The following PPP1R9A variants were observed in gnomAD, a reference collection of about 807,000 sequenced individuals.
PPP1R9A encodes neurabin-1.
A neutral mutation model predicts 141.9 loss-of-function variants in PPP1R9A; 59 were observed. That is an observed-to-expected ratio of 0.42 (90% confidence interval 0.34 to 0.52). The LOEUF (loss-of-function observed/expected upper bound fraction) is 0.52. Among genes scored for constraint, PPP1R9A ranks in the 20% least tolerant of loss-of-function variants. The pLI, the probability that PPP1R9A is intolerant of heterozygous loss-of-function variation, is 0.10. For missense variants in PPP1R9A, 1,444 were observed against 1,611.9 expected, an observed-to-expected ratio of 0.90 and a Z score of 1.78; for synonymous variants, 500 against 569.7, an observed-to-expected ratio of 0.88 and a Z score of 1.74.
At chr7:95,241,487 T>C in intron 8 of PPP1R9A, among the ~76,000 whole-genome samples, 1 of 150,748 alleles carries the variant, frequency 6.6e-6, no homozygotes, top group African/African-American at 2.5e-5. Context: ...CTATGAACTG[T>C]TGTTTTTAGT....
intron 2 of PPP1R9A, among the ~76,000 whole-genome samples, chr7:95,111,002 ATTCACATAATGTG>A (rs1482415902): frequency 6.6e-6 from 1 of 152,212 alleles, no homozygotes; most frequent in African/African-American, 2.4e-5. Flanking sequence ...AAATATTGCT[ATTCACATAATGTG>A]TTCTGAGGCT....
chr7:95,273,936 T>C lies in PPP1R9A; in HGVS notation c.3162T>C (p.Ser1054=), dbSNP rs1170014829. ...ATCCCAAATCACTAAGGGCATCCAG[T>C]TCATTGGCGGTGCAAGGAGGAAAAA... ...AKDPKSLRAS[S]SLAVQGGKIK... is the part of the protein sequence containing the mutation. The change falls in exon 15 of 20, where the codon AGT becomes AGC. Residue 1054 remains serine, a synonymous_variant. Coordinates refer to ENST00000433360, the MANE Select transcript of PPP1R9A (RefSeq NM_001166160.2). The C allele has an allele frequency of 4.0e-6, 6 of 1,505,630 alleles. No individual in the cohort carries two copies. The highest frequency in any genetic ancestry group is 5.5e-6 in the Non-Finnish European group (6 of 1,095,590). 93.3% of individuals were successfully genotyped at this position (1,505,630 alleles called of 1,614,324 possible).
intron 5 of PPP1R9A, among the ~76,000 whole-genome samples, chr7:95,189,549 G>T (rs1835169515): frequency 7.0e-6 from 1 of 143,794 alleles, no homozygotes; most frequent in South Asian, 2.2e-4. Flanking sequence ...CCATTCTCCT[G>T]CCTCAGCCTC....
chr7:95,076,230 C>T (rs1294981852), intron 2 of PPP1R9A, among the ~76,000 whole-genome samples: 2 of 152,142 alleles, frequency 1.3e-5, no homozygotes, highest in Non-Finnish European at 2.9e-5. Flanking sequence ...CAGAATGTTG[C>T]AGGTCACAGA....
intron 8 of PPP1R9A, among the ~76,000 whole-genome samples, chr7:95,228,494 T>C (rs983269739): frequency 7.9e-5 from 12 of 152,182 alleles, no homozygotes; most frequent in African/African-American, 2.9e-4. Context: ...AACATTATTA[T>C]CTAAAGAATT....
intron 2 of PPP1R9A, among the ~76,000 whole-genome samples, chr7:95,051,557 T>C (rs1810801029): frequency 6.6e-6 from 1 of 152,218 alleles, no homozygotes; most frequent in African/African-American, 2.4e-5. Context: ...TGAATCCATA[T>C]ATTTAATTGG....
intron 19 of PPP1R9A, among the ~76,000 whole-genome samples, chr7:95,289,412 A>G (rs2116049845): frequency 6.6e-6 from 1 of 152,346 alleles, no homozygotes; most frequent in East Asian, 1.9e-4. Context: ...TGTGAATATG[A>G]AGGCCTCATT....
intron 2 of PPP1R9A, among the ~76,000 whole-genome samples, chr7:94,998,660 C>A (rs1014905113): frequency 6.6e-6 from 1 of 152,160 alleles, no homozygotes; most frequent in Admixed American, 6.5e-5. Context: ...TATATTAAAT[C>A]CAGTCCAACA....
intron 2 of PPP1R9A, among the ~76,000 whole-genome samples, chr7:95,009,314 A>G (rs955305898): frequency 1.3e-5 from 2 of 152,330 alleles, no homozygotes; most frequent in Non-Finnish European, 2.9e-5. Flanking sequence ...GAAAATATAT[A>G]TTAAAAAAAG....
intron 2 of PPP1R9A, among the ~76,000 whole-genome samples, chr7:94,993,856 G>T (rs1801820617): frequency 6.6e-6 from 1 of 151,996 alleles, no homozygotes; most frequent in African/African-American, 2.4e-5. Context: ...TTTTCTCTTT[G>T]CTCGAGTTAC....
At chr7:95,018,855 C>A (rs1242139445) in intron 2 of PPP1R9A, among the ~76,000 whole-genome samples, 1 of 152,088 alleles carries the variant, frequency 6.6e-6, no homozygotes, top group East Asian at 1.9e-4. Flanking sequence ...CTTGGGTCTT[C>A]TGCTGGCATG....
intron 2 of PPP1R9A, among the ~76,000 whole-genome samples, chr7:95,064,894 A>G (rs533954974): frequency 6.6e-6 from 1 of 152,304 alleles, no homozygotes; most frequent in Admixed American, 6.5e-5. Context: ...AATGAAATTA[A>G]CCACATTTGT....
chr7:95,136,681 C>A (rs970070766), intron 4 of PPP1R9A, among the ~76,000 whole-genome samples: 5 of 152,108 alleles, frequency 3.3e-5, no homozygotes, highest in Admixed American at 3.3e-4. Flanking sequence ...AAGTGTGTAT[C>A]AGAAATACTT....
intron 4 of PPP1R9A, among the ~76,000 whole-genome samples, chr7:95,125,803 A>G (rs1008690249): frequency 3.9e-5 from 6 of 152,172 alleles, no homozygotes; most frequent in Non-Finnish European, 8.8e-5. Flanking sequence ...TCCTCATTCA[A>G]GTTTGGTTTT....
intron 7 of PPP1R9A, among the ~76,000 whole-genome samples, chr7:95,217,407 A>G (rs1185471675): frequency 6.6e-6 from 1 of 152,188 alleles, no homozygotes; most frequent in Non-Finnish European, 1.5e-5. Flanking sequence ...AATGTTCATC[A>G]GGGATATTGG....
intron 7 of PPP1R9A, among the ~76,000 whole-genome samples, chr7:95,218,457 G>A (rs1289215725): frequency 2.0e-5 from 3 of 152,180 alleles, no homozygotes; most frequent in Non-Finnish European, 4.4e-5. Flanking sequence ...GATTTGGGGT[G>A]GAGAGTTCTG....
chr7:95,079,676 T>C (rs1815473866), intron 2 of PPP1R9A, among the ~76,000 whole-genome samples: 1 of 151,980 alleles, frequency 6.6e-6, no homozygotes, highest in African/African-American at 2.4e-5. Flanking sequence ...TGAACATTGA[T>C]CCAAAAATCC....
intron 2 of PPP1R9A, among the ~76,000 whole-genome samples, chr7:95,043,256 A>G (rs1256795205): frequency 6.6e-6 from 1 of 152,214 alleles, no homozygotes; most frequent in African/African-American, 2.4e-5. Flanking sequence ...GTACCTCAGT[A>G]GGATAATATA....
At chr7:95,100,116 C>T (rs1035148918) in intron 2 of PPP1R9A, among the ~76,000 whole-genome samples, 2 of 151,954 alleles carry the variant, frequency 1.3e-5, no homozygotes, top group African/African-American at 4.8e-5. Flanking sequence ...TCCACAAAGT[C>T]AACTGTAGCT....
Sources: gnomAD v4.1 joint callset for allele counts (sites outside exome capture counted in the v4.1 genomes callset) on GRCh38, gnomAD v4.1.1 for gene constraint, MANE v1.5 for transcripts, NCBI Gene and HGNC (gene_info 2026-07-23, HGNC 2026-07-21) for gene names.